GRK4: variants seen among roughly 807,000 people sequenced by gnomAD.
GRK4 encodes G protein-coupled receptor kinase 4.
Under a neutral mutation model 77.9 loss-of-function variants are expected in GRK4, and 73 were observed. That is an observed-to-expected ratio of 0.94 (90% CI 0.78 to 1.14). The LOEUF is 1.14. Ranked by LOEUF, GRK4 falls within the 50% of genes most tolerant of loss-of-function variation. The pLI is 0.00. For synonymous variants in GRK4, 257 were observed against 254.4 expected, an observed-to-expected ratio of 1.01 and a Z score of -0.10; for missense variants, 729 against 700.2, an observed-to-expected ratio of 1.04 and a Z score of -0.46.
intron 7 of GRK4, among the ~76,000 whole-genome samples, chr4:3,010,037 A>T (rs910606532): frequency 2.6e-5 from 4 of 152,276 alleles, no homozygotes; most frequent in African/African-American, 9.6e-5. Context: ...TTCTATTTCC[A>T]TACATTTAAG....
intron 4 of GRK4, among the ~76,000 whole-genome samples, chr4:3,003,221 G>A (rs764181300): frequency 6.6e-6 from 1 of 152,008 alleles, no homozygotes; most frequent in African/African-American, 2.4e-5. Flanking sequence ...ATGGAGTTTC[G>A]CTCTGTCGTC....
intron 5 of GRK4, among the ~76,000 whole-genome samples, chr4:3,006,951 G>A (rs1389398323): frequency 1.3e-5 from 2 of 152,122 alleles, no homozygotes; most frequent in African/African-American, 2.4e-5. Context: ...TTCAGTCCAC[G>A]CTTTTGTCCT....
chr4:3,001,358 T>C (rs866619932), intron 4 of GRK4, among the ~76,000 whole-genome samples: 34 of 110,444 alleles, frequency 3.1e-4, no homozygotes, highest in East Asian at 1.0e-3. Flanking sequence ...CACACACATA[T>C]ATATATATAT....
rs530144127 is a variant in GRK4 at position 3,034,904 on chromosome 4, G to A, written c.1270-482G>A. Among the ~76,000 whole-genome samples the A allele has an allele frequency of 9.2e-5, 14 of 152,176 alleles. 1 individual carries two copies. The highest frequency in any genetic ancestry group is 3.1e-4 in the African/African-American group (13 of 41,504). Reference sequence around the variant, plus strand: ...CCTTCGCCCCCCTCCTTTGTGAAGTGTCATATAATTTAATGAGTAAAGTCT... The same window carrying A: ...CCTTCGCCCCCCTCCTTTGTGAAGTATCATATAATTTAATGAGTAAAGTCT... On this transcript the variant is annotated intron_variant, in intron 12 of 15. Coordinates refer to ENST00000398052, the MANE Select transcript of GRK4 (RefSeq NM_182982.3).
chr4:2,968,298 A>G (rs749650720), intron 1 of GRK4, among the ~76,000 whole-genome samples: 4 of 152,132 alleles, frequency 2.6e-5, no homozygotes, highest in African/African-American at 4.8e-5. Context: ...TTTTGGTCTT[A>G]TATATTGCAA....
At chr4:2,989,063 T>C (rs1489195561) in intron 3 of GRK4, among the ~76,000 whole-genome samples, 1 of 152,068 alleles carries the variant, frequency 6.6e-6, no homozygotes, top group East Asian at 1.9e-4. Flanking sequence ...GTGCCTGTAG[T>C]CCCAGCTACT....
In GRK4 at chr4:2,988,731, G is replaced by A. The variant is rs759706175; in HGVS notation, c.153G>A (p.Lys51=). 1.3e-6 allele frequency: 2 copies of A among 1,588,366 alleles called. No homozygotes were observed. The highest frequency in any genetic ancestry group is 1.7e-6 in the Non-Finnish European group (2 of 1,156,734). ...QCSELRHSIE[K]DYSSLCDKQP... is the part of the protein sequence containing the mutation. ...TTATCCCTTTGCTTCACCCAGAAAA[G>A]GATTATAGCAGTCTTTGTGACAAGC... The change falls in exon 3 of 16, where the codon AAG becomes AAA. Residue 51 remains lysine, a synonymous_variant. Coordinates refer to ENST00000398052, the MANE Select transcript of GRK4 (RefSeq NM_182982.3).
intron 8 of GRK4, among the ~76,000 whole-genome samples, chr4:3,018,175 T>C (rs77091817): frequency 0.01 from 1,546 of 151,940 alleles, 26 homozygotes; most frequent in African/African-American, 0.036. Context: ...CCTCCCAAAC[T>C]GCTGGGATTA....
At chr4:2,998,912 A>G (rs982631051) in intron 4 of GRK4, among the ~76,000 whole-genome samples, 9 of 152,184 alleles carry the variant, frequency 5.9e-5, no homozygotes, top group Non-Finnish European at 2.9e-5. Context: ...GGACTATAAC[A>G]TTCTTTAAAA....
chr4:2,976,542 T>C (rs1030372738), intron 1 of GRK4, among the ~76,000 whole-genome samples: 1 of 152,032 alleles, frequency 6.6e-6, no homozygotes, highest in Non-Finnish European at 1.5e-5. Context: ...CCTTTGATGA[T>C]ATGTTTGCTT....
chr4:3,033,860 C>T (rs920622712), intron 12 of GRK4, among the ~76,000 whole-genome samples: 14 of 152,166 alleles, frequency 9.2e-5, no homozygotes, highest in African/African-American at 2.9e-4. Flanking sequence ...GCTGGGATTA[C>T]GGGCATGAGC....
intron 3 of GRK4, among the ~76,000 whole-genome samples, chr4:2,990,535 G>A (rs1725846681): frequency 2.0e-5 from 3 of 152,124 alleles, no homozygotes; most frequent in Admixed American, 1.3e-4. Flanking sequence ...AGGATTACAG[G>A]CATCAGCCAC....
chr4:2,963,684 C>G lies in GRK4; in HGVS notation c.-387C>G, dbSNP rs1716423371. ...GGCGGGCGCCCCTGCCAGTGAGCCC[C>G]TGTCCGAAGTGAGCCACGGCATTGA... On this transcript the variant is annotated 5_prime_UTR_variant, in exon 1 of 16. Transcript: ENST00000398052. 2 of 372,436 alleles carry G rather than the reference C, an allele frequency of 5.4e-6. No individual in the cohort carries two copies. Among genetic ancestry groups the G allele is most frequent in the Non-Finnish European group, 9.6e-6 (2 of 208,344 alleles). The allele number at this position is 372,436 out of a possible 1,614,324, so 23.1% of individuals were successfully genotyped here. A position where few individuals can be genotyped will look rare whatever the true frequency, so the allele number is the denominator to read the frequency against.
chr4:2,967,749 A>G (rs1718188604), intron 1 of GRK4, among the ~76,000 whole-genome samples: 1 of 149,722 alleles, frequency 6.7e-6, no homozygotes, highest in Admixed American at 6.7e-5. Flanking sequence ...CCTTGATATA[A>G]TTCATAGGTT....
chr4:2,979,659 G>A (rs1347255931), intron 1 of GRK4, among the ~76,000 whole-genome samples: 1 of 152,188 alleles, frequency 6.6e-6, no homozygotes, highest in Non-Finnish European at 1.5e-5. Context: ...GTTGTGGTGA[G>A]CCAAGATCAC....
intron 2 of GRK4, 140 bp downstream of exon 2, chr4:2,984,748 G>A: frequency 4.8e-6 from 2 of 414,190 alleles, no homozygotes; most frequent in East Asian, 3.9e-5. Flanking sequence ...ATTCCTCTCA[G>A]GAAAAAAAAT....
chr4:2,988,075 C>CAAAAAAAAAAAAAAAAAAAAA (rs67664476), intron 2 of GRK4, among the ~76,000 whole-genome samples: 812 of 33,580 alleles, frequency 0.024, 78 homozygotes, highest in Non-Finnish European at 0.035. Context: ...GGCTCTGTCT[C>CAAAAAAAAAAAAAAAAAAAAA]AAAAAAAAAA....
At chr4:3,021,554 T>A (rs1430227451) in intron 9 of GRK4, among the ~76,000 whole-genome samples, 4 of 152,204 alleles carry the variant, frequency 2.6e-5, no homozygotes, top group Admixed American at 1.3e-4. Flanking sequence ...GCAGTGGGGC[T>A]GACACCTCCG....
chr4:3,007,299 A>T (rs1449234896), intron 5 of GRK4, among the ~76,000 whole-genome samples: 2 of 152,240 alleles, frequency 1.3e-5, no homozygotes, highest in African/African-American at 4.8e-5. Flanking sequence ...CATGATTATT[A>T]TCTCTGTTTT....
Sources: allele counts gnomAD v4.1 joint callset (sites outside exome capture counted in the v4.1 genomes callset), GRCh38; gene constraint gnomAD v4.1.1; transcripts MANE v1.5; gene names NCBI Gene and HGNC (gene_info 2026-07-23, HGNC 2026-07-21).